Variants in GPM6A observed in about 807,000 individuals in gnomAD.
GPM6A encodes glycoprotein M6A, also known as neuronal membrane glycoprotein M6-a.
GPM6A carries 7 observed loss-of-function variants against 32.1 expected under a neutral mutation model. That is an observed-to-expected ratio of 0.22 (90% CI 0.12 to 0.41). The LOEUF (loss-of-function observed/expected upper bound fraction) is 0.41. Ranked by LOEUF, GPM6A falls within the 10% of genes least tolerant of loss-of-function variation. The pLI, the probability that GPM6A is intolerant of heterozygous loss-of-function variation, is 1.00. For missense variants in GPM6A, 235 were observed against 347.2 expected (o/e 0.68, Z 2.57); for synonymous variants, 130 against 123.4 (o/e 1.05, Z -0.35).
intron 2 of GPM6A, among the ~76,000 whole-genome samples, chr4:175,683,025 C>A (rs1743774501): frequency 6.6e-6 from 1 of 152,160 alleles, no homozygotes; most frequent in Non-Finnish European, 1.5e-5. Context: ...GTAGCTTGCA[C>A]TCTGTGCCTC....
chr4:175,700,764 G>A (rs751768813), intron 2 of GPM6A, among the ~76,000 whole-genome samples: 1 of 151,902 alleles, frequency 6.6e-6, no homozygotes, highest in Admixed American at 6.6e-5. Flanking sequence ...TTATCAGCTG[G>A]GATTACAAAC....
rs572505921 is a variant in GPM6A, at chr4:175,776,033, C to A, written c.37+36158G>T. On this transcript the variant is annotated intron_variant, in intron 1 of 6. Coordinates refer to ENST00000393658, the MANE Select transcript of GPM6A (RefSeq NM_201591.3). ...TATAAAAAGCCAAGGACACAATATA[C>A]CTGACATCACTATTAATTTGTGGTG... 2.6e-5 allele frequency among the ~76,000 whole-genome samples: 4 copies of A among 152,200 alleles called. No individual in the cohort carries two copies. The South Asian group carries it at 8.3e-4, about 32-fold the overall frequency.
rs532125940 is a variant in GPM6A at position 175,674,334 on chromosome 4, T to C, written c.231-498A>G. Among the ~76,000 whole-genome samples, 7 of 152,268 alleles carry C rather than the reference T, an allele frequency of 4.6e-5. No individual in the cohort carries two copies. In the East Asian group the frequency reaches 1.4e-3, roughly 29 times the overall value. On this transcript the variant is annotated intron_variant, in intron 2 of 6. Coordinates refer to ENST00000393658, the MANE Select transcript of GPM6A (RefSeq NM_201591.3). The stretch of plus-strand genomic sequence containing the variant: ...CTCGGATTACAGGCATGTGTCACCA[T>C]GCCCAGATAATTTTGTCTTTTTAGA...
intron 1 of GPM6A, among the ~76,000 whole-genome samples, chr4:175,773,122 T>C (rs1327395977): frequency 6.6e-6 from 1 of 152,234 alleles, no homozygotes; most frequent in Non-Finnish European, 1.5e-5. Context: ...AACATCAGTT[T>C]ACATAAGTTT....
intron 1 of GPM6A, among the ~76,000 whole-genome samples, chr4:175,803,303 A>G (rs1343321789): frequency 7.2e-5 from 11 of 152,172 alleles, no homozygotes; most frequent in Admixed American, 7.2e-4. Flanking sequence ...TTGAGAATGG[A>G]GCTACAGCAT....
intron 1 of GPM6A, among the ~76,000 whole-genome samples, chr4:175,757,231 AAC>A (rs907891410): frequency 6.6e-6 from 1 of 152,004 alleles, no homozygotes; most frequent in Admixed American, 6.6e-5. Flanking sequence ...TTCCCGTCTA[AAC>A]ACACACATGG....
intron 1 of GPM6A, among the ~76,000 whole-genome samples, chr4:175,868,801 T>A (rs868652983): frequency 3.9e-5 from 6 of 152,212 alleles, no homozygotes; most frequent in Non-Finnish European, 7.3e-5. Context: ...AATCCTTACT[T>A]GATGAAAGAA....
chr4:175,947,027 A>C (rs1431157983), intron 1 of GPM6A, among the ~76,000 whole-genome samples: 3 of 152,180 alleles, frequency 2.0e-5, no homozygotes, highest in African/African-American at 7.2e-5. Flanking sequence ...GATGAAATGA[A>C]GTGTGTGTGG....
At chr4:175,936,102 G>C (rs538224638) in intron 1 of GPM6A, among the ~76,000 whole-genome samples, 4 of 151,254 alleles carry the variant, frequency 2.6e-5, no homozygotes, top group African/African-American at 9.7e-5. Context: ...TCAGGTGATC[G>C]AGACCATCCT....
intron 1 of GPM6A, among the ~76,000 whole-genome samples, chr4:175,898,601 T>A (rs1049274711): frequency 3.3e-5 from 5 of 152,226 alleles, no homozygotes; most frequent in Non-Finnish European, 5.9e-5. Context: ...CTGTTTCCAT[T>A]TCTACCTCTC....
At chr4:175,843,595 T>C (rs1034370493) in intron 1 of GPM6A, among the ~76,000 whole-genome samples, 3 of 152,202 alleles carry the variant, frequency 2.0e-5, no homozygotes, top group African/African-American at 4.8e-5. Flanking sequence ...GCGAGCTTCA[T>C]AGGCAGGCAA....
chr4:175,825,837 T>C (rs1735416425), intron 1 of GPM6A, among the ~76,000 whole-genome samples: 1 of 152,184 alleles, frequency 6.6e-6, no homozygotes, highest in Non-Finnish European at 1.5e-5. Flanking sequence ...CATTTTCAAG[T>C]TGAACATTTT....
At chr4:175,899,792 TACAGG>T (rs2111488630) in intron 1 of GPM6A, among the ~76,000 whole-genome samples, 1 of 152,136 alleles carries the variant, frequency 6.6e-6, no homozygotes, top group South Asian at 2.1e-4. Flanking sequence ...GGGGAAAATC[TACAGG>T]ACATTGATCT....
intron 1 of GPM6A, among the ~76,000 whole-genome samples, chr4:175,894,878 G>C (rs1268040981): frequency 6.6e-6 from 1 of 152,112 alleles, no homozygotes; most frequent in Non-Finnish European, 1.5e-5. Context: ...ATCACATCAT[G>C]CATCTACTAA....
chr4:175,885,237 G>A (rs866965765), intron 1 of GPM6A, among the ~76,000 whole-genome samples: 5 of 152,206 alleles, frequency 3.3e-5, no homozygotes, highest in Non-Finnish European at 7.3e-5. Flanking sequence ...AAATGGATGA[G>A]TCTCACAAGG....
chr4:175,935,074 C>G (rs924293030), intron 1 of GPM6A, among the ~76,000 whole-genome samples: 1 of 152,182 alleles, frequency 6.6e-6, no homozygotes, highest in Non-Finnish European at 1.5e-5. Flanking sequence ...ATCTTGACTA[C>G]TTTAATGTGG....
chr4:175,748,702 G>T (rs756982144), intron 1 of GPM6A, among the ~76,000 whole-genome samples: 1 of 152,138 alleles, frequency 6.6e-6, no homozygotes, highest in Admixed American at 6.6e-5. Flanking sequence ...AGCTGCATTA[G>T]TCCCTAACAA....
chr4:175,877,198 T>G (rs1737109474), intron 1 of GPM6A, among the ~76,000 whole-genome samples: 1 of 152,154 alleles, frequency 6.6e-6, no homozygotes, highest in Non-Finnish European at 1.5e-5. Flanking sequence ...CACAATCCTC[T>G]GCACCTGATT....
At chr4:175,924,490 T>C (rs1413415875) in intron 1 of GPM6A, among the ~76,000 whole-genome samples, 1 of 152,130 alleles carries the variant, frequency 6.6e-6, no homozygotes, top group Non-Finnish European at 1.5e-5. Context: ...AGGTGAGGTG[T>C]ATATGAAATA....
Sources: allele counts gnomAD v4.1 joint callset (sites outside exome capture counted in the v4.1 genomes callset), GRCh38; gene constraint gnomAD v4.1.1; transcripts MANE v1.5; gene names NCBI Gene and HGNC (gene_info 2026-07-23, HGNC 2026-07-21).